The following TMTC2 variants were observed in gnomAD, a reference collection of about 807,000 sequenced individuals.
TMTC2 encodes the protein transmembrane O-mannosyltransferase targeting cadherins 2, also known as protein O-mannosyl-transferase TMTC2.
A neutral mutation model predicts 82.4 loss-of-function variants in TMTC2; 43 were observed. That is an observed-to-expected ratio of 0.52 (90% confidence interval 0.41 to 0.67). The LOEUF (loss-of-function observed/expected upper bound fraction) is 0.67, where lower values mean the gene tolerates loss of function less well. Among genes scored for constraint, TMTC2 ranks in the 30% least tolerant of loss-of-function variants. The probability of loss-of-function intolerance (pLI) is 0.00; values close to 1 mark genes in which losing one functional copy is unlikely to be tolerated. For synonymous variants in TMTC2, 408 were observed against 381.9 expected (o/e 1.07, Z -0.80); for missense variants, 919 against 1,012.4 (o/e 0.91, Z 1.25).
At chr12:82,840,341 G>A (rs1039737867) in intron 1 of TMTC2, among the ~76,000 whole-genome samples, 2 of 152,152 alleles carry the variant, frequency 1.3e-5, no homozygotes, top group African/African-American at 4.8e-5. Context: ...TGTGGATTTG[G>A]GGAGTTGCTT....
intron 2 of TMTC2, among the ~76,000 whole-genome samples, chr12:82,893,725 TGTAAAAATGGA>T (rs1565796480): frequency 2.0e-5 from 3 of 152,112 alleles, no homozygotes. Flanking sequence ...ACTTTTGAAA[TGTAAAAATGGA>T]CATATCACCA....
rs184446336 is a variant in TMTC2, at chr12:82,845,163, A to T, written c.84-11847A>T. The stretch of plus-strand genomic sequence containing the variant: ...AGAATCGCTTGAACCTGGGAGACAG[A>T]GGTTGCAGTGAGCCGAGATCGTGCC... On this transcript the variant is annotated intron_variant, in intron 1 of 11. Coordinates refer to ENST00000321196, the MANE Select transcript of TMTC2 (RefSeq NM_152588.3). Among the ~76,000 whole-genome samples, 8 of 132,194 alleles carry T rather than the reference A, an allele frequency of 6.1e-5. No homozygotes were observed. In the Admixed American group the frequency reaches 6.1e-4, roughly 10 times the overall value. The allele number at this position is 132,194 out of a possible 152,430, so 86.7% of individuals were successfully genotyped here. A position where few individuals can be genotyped will look rare whatever the true frequency, so the allele number is the denominator to read the frequency against.
At chr12:82,893,560 G>T (rs930046690) in intron 2 of TMTC2, among the ~76,000 whole-genome samples, 2 of 151,976 alleles carry the variant, frequency 1.3e-5, no homozygotes, top group African/African-American at 4.8e-5. Context: ...TGATATTAAT[G>T]AATAATTCCA....
At chr12:83,109,373 C>T (rs1195917381) in intron 11 of TMTC2, among the ~76,000 whole-genome samples, 1 of 152,180 alleles carries the variant, frequency 6.6e-6, no homozygotes, top group Admixed American at 6.5e-5. Context: ...AGTCACCTCC[C>T]ACCAGGCCCT....
chr12:82,726,394 T>C (rs1446404473), intron 1 of TMTC2, among the ~76,000 whole-genome samples: 1 of 152,236 alleles, frequency 6.6e-6, no homozygotes, highest in African/African-American at 2.4e-5. Context: ...GTGGTTCTTT[T>C]TCCTAGCAAA....
rs148615834 is a variant in TMTC2, at chr12:82,893,215, C to T, written c.655-2603C>T. Reference sequence around the variant, plus strand: ...TGCAACCCCGTCTCTACTAAAAATACGAAAAATTAGCTGGGCATGGTGGCA... The same window carrying T: ...TGCAACCCCGTCTCTACTAAAAATATGAAAAATTAGCTGGGCATGGTGGCA... On this transcript the variant is annotated intron_variant, in intron 2 of 11. Coordinates refer to ENST00000321196, the MANE Select transcript of TMTC2 (RefSeq NM_152588.3). Among the ~76,000 whole-genome samples the T allele has an allele frequency of 1.7e-3, 262 of 151,612 alleles. 1 individual carries two copies. Among genetic ancestry groups the T allele is most frequent in the African/African-American group, 5.6e-3 (232 of 41,396 alleles).
intron 2 of TMTC2, among the ~76,000 whole-genome samples, chr12:82,875,385 T>TATATATATATATATA (rs140437146): frequency 2.8e-4 from 42 of 151,932 alleles, no homozygotes; most frequent in African/African-American, 9.9e-4. Context: ...TATATATATA[T>TATATATATATATATA]ATGTTTTACA....
At chr12:82,776,869 T>C (rs1877630113) in intron 1 of TMTC2, among the ~76,000 whole-genome samples, 1 of 152,098 alleles carries the variant, frequency 6.6e-6, no homozygotes, top group African/African-American at 2.4e-5. Flanking sequence ...GCCCAGGAGT[T>C]TGAGTCTGCT....
intron 2 of TMTC2, among the ~76,000 whole-genome samples, chr12:82,868,014 C>T (rs1871956135): frequency 6.6e-6 from 1 of 152,100 alleles, no homozygotes; most frequent in African/African-American, 2.4e-5. Context: ...GCTGTGTGAC[C>T]TTGGGGAAAT....
chr12:82,986,236 A>C, intron 8 of TMTC2, 190 bp downstream of exon 8: 1 of 650,942 alleles, frequency 1.5e-6, no homozygotes, highest in Non-Finnish European at 2.6e-6. Flanking sequence ...TTTGGTCTAG[A>C]TAAGATGTGA....
intron 1 of TMTC2, among the ~76,000 whole-genome samples, chr12:82,822,500 AGTCTAT>A (rs1439874578): frequency 6.6e-6 from 1 of 152,136 alleles, no homozygotes; most frequent in Non-Finnish European, 1.5e-5. Flanking sequence ...ACTCTTATAT[AGTCTAT>A]ATTTCTCCCC....
intron 4 of TMTC2, among the ~76,000 whole-genome samples, chr12:82,934,217 C>T (rs1040584605): frequency 1.1e-4 from 16 of 152,040 alleles, no homozygotes; most frequent in Non-Finnish European, 1.9e-4. Context: ...CTGTGCAACA[C>T]TTGTATTTCT....
At chr12:82,962,069 G>A (rs966837065) in intron 4 of TMTC2, among the ~76,000 whole-genome samples, 2 of 151,964 alleles carry the variant, frequency 1.3e-5, no homozygotes, top group East Asian at 1.9e-4. Flanking sequence ...ACTAGGATCC[G>A]GCCCCTCCCC....
chr12:82,952,070 C>T (rs1441509163), intron 4 of TMTC2, among the ~76,000 whole-genome samples: 3 of 152,086 alleles, frequency 2.0e-5, no homozygotes, highest in Admixed American at 2.0e-4. Context: ...GTATCTCCCG[C>T]GGAGCTCAGA....
rs1327977068 is a variant in TMTC2, at chr12:82,958,368, AAAC to A, written c.1599-6653_1599-6651del. 8.3e-3 allele frequency among the ~76,000 whole-genome samples: 282 copies of A among 33,934 alleles called. 8 individuals are homozygous for A. The highest frequency in any genetic ancestry group is 0.03 in the African/African-American group (256 of 8,634). 22.3% of individuals were successfully genotyped at this position (33,934 alleles called of 152,430 possible). On this transcript the variant is annotated intron_variant, in intron 4 of 11. Transcript: ENST00000321196. ...AGAGTCTGTCTCAAAAAAAAAAAAA[AAAC>A]AAAAAAAACAAAAAAACTACTGACC...
intron 2 of TMTC2, among the ~76,000 whole-genome samples, chr12:82,886,974 A>G (rs182216373): frequency 2.6e-5 from 4 of 152,318 alleles, no homozygotes; most frequent in Non-Finnish European, 4.4e-5. Flanking sequence ...AAGAAAAGTG[A>G]TGGATGGTGA....
chr12:82,982,059 G>C (rs1878942479), intron 7 of TMTC2, among the ~76,000 whole-genome samples: 1 of 146,438 alleles, frequency 6.8e-6, no homozygotes, highest in South Asian at 2.1e-4. Flanking sequence ...CTGAAGCATA[G>C]TCAGTTCATT....
At chr12:82,793,374 T>C (rs1054797722) in intron 1 of TMTC2, among the ~76,000 whole-genome samples, 1 of 151,566 alleles carries the variant, frequency 6.6e-6, no homozygotes, top group Admixed American at 6.6e-5. Flanking sequence ...TTTTCTTTTT[T>C]TTTTTTTCAA....
chr12:83,040,841 C>CG (rs1282647391), intron 9 of TMTC2, among the ~76,000 whole-genome samples: 19 of 151,982 alleles, frequency 1.3e-4, no homozygotes, highest in African/African-American at 4.6e-4. Flanking sequence ...CCCGCCACCA[C>CG]GCCCGGCTAA....
Sources: gnomAD v4.1 joint callset for allele counts (sites outside exome capture counted in the v4.1 genomes callset) on GRCh38, gnomAD v4.1.1 for gene constraint, MANE v1.5 for transcripts, NCBI Gene and HGNC (gene_info 2026-07-23, HGNC 2026-07-21) for gene names.